CYTH3: variants seen among roughly 807,000 people sequenced by gnomAD.
The protein encoded by CYTH3 is cytohesin-3.
A neutral mutation model predicts 55.1 loss-of-function variants in CYTH3; 23 were observed. The observed-to-expected ratio is 0.42, with a 90% CI of 0.30 to 0.59. The LOEUF (loss-of-function observed/expected upper bound fraction) is 0.59. CYTH3 is among the 20% of genes least tolerant of loss of function. The pLI, the probability that CYTH3 is intolerant of heterozygous loss-of-function variation, is 0.20. For synonymous variants in CYTH3, 249 were observed against 194.9 expected (o/e 1.28, Z -2.31); for missense variants, 413 against 524.8 (o/e 0.79, Z 2.08).
intron 9 of CYTH3, 61 bp from the exon 10 acceptor site, chr7:6,165,871 A>AG: frequency 6.4e-7 from 1 of 1,556,758 alleles, no homozygotes; most frequent in Non-Finnish European, 8.8e-7. Flanking sequence ...CGGGTCCAAG[A>AG]GGGGGCCCTG....
At position 6,165,270 on chromosome 7, in the gene CYTH3, CACTT is replaced by C; in HGVS notation, c.1126_1127+2del. On this transcript the variant is annotated splice_donor_variant and coding_sequence_variant, in exon 12 of 13. Transcript: ENST00000350796. LOFTEE classifies it high-confidence loss of function. ...CTGGCCCCGCCCCCGAGGCCCCACTCACTTGATGGATTTCATCCACTCCTCCTTC... is the reference window on the plus strand; with the variant it reads ...CTGGCCCCGCCCCCGAGGCCCCACTCGATGGATTTCATCCACTCCTCCTTC... The C allele has an allele frequency of 6.2e-7, 1 of 1,609,428 alleles. No individual in the cohort carries two copies. Among genetic ancestry groups the C allele is most frequent in the Non-Finnish European group, 8.5e-7 (1 of 1,177,690 alleles).
intron 1 of CYTH3, among the ~76,000 whole-genome samples, chr7:6,203,723 CTT>C (rs1214111836): frequency 2.8e-5 from 4 of 145,446 alleles, no homozygotes; most frequent in South Asian, 2.2e-4. Flanking sequence ...CATATTCCAC[CTT>C]TTTTTTTTTT....
At chr7:6,165,993 C>T (rs1418017784) in intron 9 of CYTH3, among the ~76,000 whole-genome samples, 183 bp from the exon 10 acceptor site, 1 of 152,222 alleles carries the variant, frequency 6.6e-6, no homozygotes, top group Non-Finnish European at 1.5e-5. Context: ...CCCGCCCACA[C>T]CGGCGCCCCC....
Position 6,204,531 on chromosome 7 carries a change from G to C in CYTH3, c.35-14000C>G, listed in dbSNP as rs151178340. ...ATTTTCTGCAACAGCTTTCTATCTA[G>C]TGTTCGTTCTCTAGATTCCTAGGAA... On this transcript the variant is annotated intron_variant, in intron 1 of 12. Transcript: ENST00000350796. Among the ~76,000 whole-genome samples the C allele has an allele frequency of 1.5e-3, 230 of 152,310 alleles. 1 individual carries two copies. Among genetic ancestry groups the C allele is most frequent in the African/African-American group, 5.1e-3 (210 of 41,566 alleles).
chr7:6,174,339 T>C (rs2128538790), intron 5 of CYTH3, among the ~76,000 whole-genome samples: 1 of 150,732 alleles, frequency 6.6e-6, no homozygotes, highest in South Asian at 2.1e-4. Context: ...GGTCTCGAAC[T>C]CCCGACCTCA....
chr7:6,208,016 A>ATACT (rs1583164424), intron 1 of CYTH3, among the ~76,000 whole-genome samples: 2 of 152,152 alleles, frequency 1.3e-5, no homozygotes, highest in East Asian at 3.8e-4. Context: ...CTATAGGATG[A>ATACT]TACTTTTGAG....
chr7:6,165,916 AC>A, intron 9 of CYTH3, 106 bp from the exon 10 acceptor site: 1 of 1,117,838 alleles, frequency 8.9e-7, no homozygotes, highest in Non-Finnish European at 1.3e-6. Flanking sequence ...CAGAAAGGCC[AC>A]CAGGCGCCAG....
In CYTH3 at chr7:6,170,184, T is replaced by C. The variant is rs1029680047; in HGVS notation, c.823+351A>G. ...GCACATTTAAACCACGCGTCAAAAA[T>C]CACAGCCACACCAAACCGAGAGAGG... is the stretch of plus-strand genomic sequence containing the variant. On this transcript the variant is annotated intron_variant, in intron 9 of 12. Transcript: ENST00000350796. The surrounding 1 kb of genome is among the most constrained non-coding windows in gnomAD (Gnocchi z 7.8). 1 of 248,244 alleles carries C rather than the reference T, an allele frequency of 4.0e-6. No individual in the cohort carries two copies. Among genetic ancestry groups the C allele is most frequent in the South Asian group, 9.0e-5 (1 of 11,106 alleles). 15.4% of individuals were successfully genotyped at this position (248,244 alleles called of 1,614,324 possible).
At chr7:6,231,395 G>A (rs1779388069) in intron 1 of CYTH3, among the ~76,000 whole-genome samples, 1 of 152,196 alleles carries the variant, frequency 6.6e-6, no homozygotes, top group East Asian at 1.9e-4. Flanking sequence ...CCCTGCAGGA[G>A]GGCAGAGCCT....
chr7:6,189,786 C>T (rs912082297), intron 2 of CYTH3, among the ~76,000 whole-genome samples: 11 of 152,034 alleles, frequency 7.2e-5, no homozygotes, highest in Middle Eastern at 3.2e-3. Context: ...TCTGTGATCC[C>T]AGCACTTTGG....
chr7:6,165,283 T>C lies in CYTH3; in HGVS notation c.1117A>G (p.Lys373Glu). 6.2e-7 allele frequency: 1 copy of C among 1,612,132 alleles called. No homozygotes were observed. The highest frequency in any genetic ancestry group is 8.5e-7 in the Non-Finnish European group (1 of 1,179,158). ...CGAGGCCCCACTCACTTGATGGATT[T>C]CATCCACTCCTCCTTCTCCTCCGGG... ...PSPEEKEEWMKSIKASISRDP... is the reference protein window; with the variant it reads ...PSPEEKEEWMESIKASISRDP... Residue 373 changes from lysine to glutamate, a missense_variant, in exon 12 of 13, where the codon AAA (lysine) becomes GAA (glutamate). Physicochemically the swap from Lys to Glu is moderately conservative, Grantham distance 56 (BLOSUM62 1). Transcript: ENST00000350796.
intron 1 of CYTH3, among the ~76,000 whole-genome samples, chr7:6,269,187 C>A (rs1250174008): frequency 2.0e-5 from 3 of 152,124 alleles, no homozygotes; most frequent in Non-Finnish European, 4.4e-5. Context: ...AGGGAAAGGG[C>A]AAGAAACGGA....
intron 1 of CYTH3, among the ~76,000 whole-genome samples, chr7:6,196,496 G>A (rs1357871739): frequency 1.4e-4 from 2 of 14,362 alleles, no homozygotes; most frequent in Admixed American, 1.4e-3. Flanking sequence ...TTTCATTTTT[G>A]TTGCCCAGGC....
intron 1 of CYTH3, among the ~76,000 whole-genome samples, chr7:6,259,772 T>TATAATATATATATATA (rs1491219669): frequency 2.0e-4 from 6 of 30,494 alleles, no homozygotes; most frequent in African/African-American, 3.1e-4. Flanking sequence ...TATATATATA[T>TATAATATATATATATA]TATATATATA....
intron 1 of CYTH3, among the ~76,000 whole-genome samples, chr7:6,206,055 T>C (rs972300219): frequency 2.6e-5 from 4 of 152,206 alleles, no homozygotes; most frequent in African/African-American, 9.6e-5. Context: ...GAAAAACAGT[T>C]TGGCAGTTCT....
intron 5 of CYTH3, among the ~76,000 whole-genome samples, chr7:6,177,386 A>C (rs1011241202): frequency 3.9e-5 from 6 of 152,372 alleles, no homozygotes; most frequent in Admixed American, 3.9e-4. Context: ...TCGCAGTCAG[A>C]AAGTAAATCT....
rs1240618237 is a variant in CYTH3, at chr7:6,192,237, C to T, written c.35-1706G>A. Among the ~76,000 whole-genome samples, 3 of 152,134 alleles carry T rather than the reference C, an allele frequency of 2.0e-5. No individual in the cohort carries two copies. In the South Asian group the frequency reaches 6.2e-4, roughly 32 times the overall value. ...ATTATATTATTGTTTTTTGTAGAGACAGGATCTCACTCTGCTGGCCAGGAT... is the reference window on the plus strand; with the variant it reads ...ATTATATTATTGTTTTTTGTAGAGATAGGATCTCACTCTGCTGGCCAGGAT... On this transcript the variant is annotated intron_variant, in intron 1 of 12. Transcript: ENST00000350796.
intron 1 of CYTH3, among the ~76,000 whole-genome samples, chr7:6,266,160 C>A (rs78950714): frequency 0.015 from 2,244 of 152,204 alleles, 59 homozygotes; most frequent in African/African-American, 0.049. Context: ...TCTCCCAAGT[C>A]CTCCCTTCTC....
intron 1 of CYTH3, among the ~76,000 whole-genome samples, chr7:6,262,005 T>C (rs368995523): frequency 9.3e-5 from 14 of 150,848 alleles, no homozygotes; most frequent in East Asian, 1.9e-4. Flanking sequence ...CAGCAGAAAA[T>C]TGGAATCTTT....
Sources: allele counts gnomAD v4.1 joint callset (sites outside exome capture counted in the v4.1 genomes callset), GRCh38; gene constraint gnomAD v4.1.1; non-coding constraint Gnocchi (gnomAD v3.1); transcripts MANE v1.5; gene names NCBI Gene and HGNC (gene_info 2026-07-23, HGNC 2026-07-21).